Variants in MARCHF1 observed in about 807,000 individuals in gnomAD.
The protein encoded by MARCHF1 is membrane associated ring-CH-type finger 1, also known as E3 ubiquitin-protein ligase MARCHF1.
In MARCHF1, 40 loss-of-function variants were observed where a neutral mutation model predicts 54.2. The ratio of observed to expected loss-of-function variants is 0.74; its 90% confidence interval spans 0.57 to 0.96. MARCHF1 has a LOEUF of 0.96. MARCHF1 is among the 40% of genes least tolerant of loss of function. The probability of loss-of-function intolerance (pLI) is 0.00; values close to 1 mark genes in which losing one functional copy is unlikely to be tolerated. For synonymous variants in MARCHF1, 236 were observed against 236.3 expected (o/e 1.00, Z 0.01); for missense variants, 586 against 656.5 (o/e 0.89, Z 1.17).
intron 1 of MARCHF1, among the ~76,000 whole-genome samples, chr4:164,300,028 C>G (rs1213147802): frequency 1.3e-5 from 2 of 152,030 alleles, no homozygotes; most frequent in African/African-American, 2.4e-5. Context: ...ATAAACCCCA[C>G]AAAGAGCCCT....
At chr4:163,787,379 A>AT (rs936571985) in intron 4 of MARCHF1, among the ~76,000 whole-genome samples, 1 of 151,768 alleles carries the variant, frequency 6.6e-6, no homozygotes, top group African/African-American at 2.4e-5. Context: ...AAACTCAACA[A>AT]TAAAAAAAAA....
chr4:163,792,373 C>T (rs767927344), intron 4 of MARCHF1, among the ~76,000 whole-genome samples: 2 of 152,100 alleles, frequency 1.3e-5, no homozygotes, highest in Non-Finnish European at 2.9e-5. Context: ...ATATAATTCA[C>T]GTTTGTTCTT....
At chr4:164,018,080 T>A (rs1753582759) in intron 2 of MARCHF1, among the ~76,000 whole-genome samples, 2 of 151,934 alleles carry the variant, frequency 1.3e-5, no homozygotes, top group African/African-American at 4.8e-5. Flanking sequence ...AACCAAATGA[T>A]CTGGTAATAT....
At chr4:164,364,829 G>T (rs1454355430) in intron 1 of MARCHF1, among the ~76,000 whole-genome samples, 1 of 150,236 alleles carries the variant, frequency 6.7e-6, no homozygotes, top group Non-Finnish European at 1.5e-5. Flanking sequence ...ATCTTTTCTA[G>T]CCATTTTTTA....
intron 1 of MARCHF1, among the ~76,000 whole-genome samples, chr4:164,205,890 G>A (rs897130632): frequency 3.9e-5 from 6 of 152,030 alleles, no homozygotes; most frequent in African/African-American, 9.7e-5. Context: ...AATGATATAC[G>A]TCACAGTAAT....
chr4:164,309,502 CAG>C (rs148865809), intron 1 of MARCHF1, among the ~76,000 whole-genome samples: 10,963 of 152,234 alleles, frequency 0.072, 542 homozygotes, highest in Middle Eastern at 0.11. Context: ...CATCCTCAGT[CAG>C]GGGGCTGAGT....
intron 2 of MARCHF1, among the ~76,000 whole-genome samples, chr4:164,097,652 A>G (rs1044489001): frequency 6.6e-6 from 1 of 152,110 alleles, no homozygotes; most frequent in Non-Finnish European, 1.5e-5. Flanking sequence ...AAACATTCTG[A>G]GAGGGAATGC....
chr4:163,774,667 T>C (rs1047801078), intron 4 of MARCHF1, among the ~76,000 whole-genome samples: 3 of 152,110 alleles, frequency 2.0e-5, no homozygotes, highest in African/African-American at 7.2e-5. Context: ...GCTAATTTTT[T>C]CTATTTTTAG....
At chr4:163,679,813 C>T (rs1306098662) in intron 5 of MARCHF1, among the ~76,000 whole-genome samples, 2 of 151,630 alleles carry the variant, frequency 1.3e-5, no homozygotes, top group Non-Finnish European at 2.9e-5. Flanking sequence ...GGGGTTTCAC[C>T]GTGGTCTCGA....
chr4:164,330,939 A>G (rs901716060), intron 1 of MARCHF1, among the ~76,000 whole-genome samples: 3 of 152,186 alleles, frequency 2.0e-5, no homozygotes, highest in Non-Finnish European at 2.9e-5. Flanking sequence ...GTGATTTTGA[A>G]TGGTACCTAC....
At chr4:163,847,027 A>AGG (rs1560785534) in intron 4 of MARCHF1, among the ~76,000 whole-genome samples, 1 of 152,176 alleles carries the variant, frequency 6.6e-6, no homozygotes, top group Non-Finnish European at 1.5e-5. Flanking sequence ...TCTCAAGTCC[A>AGG]GGGGCTGCTT....
intron 2 of MARCHF1, among the ~76,000 whole-genome samples, chr4:164,000,629 G>A (rs764215690): frequency 1.3e-5 from 2 of 151,650 alleles, no homozygotes; most frequent in African/African-American, 2.4e-5. Flanking sequence ...ATTTTTTTAA[G>A]TCACTGTGGA....
At chr4:164,033,089 G>A (rs965338844) in intron 2 of MARCHF1, among the ~76,000 whole-genome samples, 3 of 151,356 alleles carry the variant, frequency 2.0e-5, no homozygotes, top group African/African-American at 7.3e-5. Context: ...TGCTGAGGTC[G>A]TTTGAACCCG....
At chr4:164,039,816 G>T (rs1030665488) in intron 2 of MARCHF1, among the ~76,000 whole-genome samples, 2 of 151,656 alleles carry the variant, frequency 1.3e-5, no homozygotes, top group African/African-American at 4.8e-5. Context: ...TCTTTACTGG[G>T]GATCATTTGA....
At chr4:164,268,406 G>C (rs183699129) in intron 1 of MARCHF1, among the ~76,000 whole-genome samples, 16 of 152,084 alleles carry the variant, frequency 1.1e-4, no homozygotes, top group Non-Finnish European at 2.2e-4. Flanking sequence ...TATAAAGCAG[G>C]CTTAAGGATT....
At chr4:163,640,758 A>T (rs557866813) in intron 5 of MARCHF1, among the ~76,000 whole-genome samples, 7 of 150,728 alleles carry the variant, frequency 4.6e-5, no homozygotes, top group Admixed American at 4.6e-4. Context: ...ATACAGGATT[A>T]TTGACACTTT....
chr4:164,240,953 T>C (rs1732724093), intron 1 of MARCHF1, among the ~76,000 whole-genome samples: 1 of 152,170 alleles, frequency 6.6e-6, no homozygotes, highest in Admixed American at 6.5e-5. Flanking sequence ...TTCCCTAGCT[T>C]GCTTACTGCT....
rs70952617 is a variant in MARCHF1 at position 164,274,659 on chromosome 4, C to CTTTTTTTTTT, written c.-323+109201_-323+109210dup. On this transcript the variant is annotated intron_variant, in intron 1 of 9. Transcript: ENST00000514618. The stretch of plus-strand genomic sequence containing the variant: ...CGCTTGATGTGTGCTTCAGGGTACA[C>CTTTTTTTTTT]TTTTTTTTTTTTTTTTTTTTTTTTT... Among the ~76,000 whole-genome samples, 4 of 44,644 alleles carry CTTTTTTTTTT rather than the reference C, an allele frequency of 9.0e-5. 1 individual carries two copies. Among genetic ancestry groups the CTTTTTTTTTT allele is most frequent in the Non-Finnish European group, 1.5e-4 (3 of 20,620 alleles). 29.3% of individuals were successfully genotyped at this position (44,644 alleles called of 152,430 possible).
chr4:163,956,581 G>C (rs1752237781), intron 3 of MARCHF1, among the ~76,000 whole-genome samples: 1 of 151,924 alleles, frequency 6.6e-6, no homozygotes, highest in Non-Finnish European at 1.5e-5. Context: ...TTTCTTTAAA[G>C]GCAACAAAAT....
Sources: gnomAD v4.1 joint callset for allele counts (sites outside exome capture counted in the v4.1 genomes callset) on GRCh38, gnomAD v4.1.1 for gene constraint, MANE v1.5 for transcripts, NCBI Gene and HGNC (gene_info 2026-07-23, HGNC 2026-07-21) for gene names.